The following ZNF407 variants were observed in gnomAD, a reference collection of about 807,000 sequenced individuals.
ZNF407 encodes the protein zinc finger protein 407.
In ZNF407, 17 loss-of-function variants were observed where a neutral mutation model predicts 131.2. That is an observed-to-expected ratio of 0.13 (90% CI 0.09 to 0.19). The LOEUF is 0.19. Among genes scored for constraint, ZNF407 ranks in the 10% least tolerant of loss-of-function variants. ZNF407 has a pLI of 1.00. For missense variants in ZNF407, 2,681 were observed against 2,830.6 expected (o/e 0.95, Z 1.20); for synonymous variants, 1,156 against 1,062.0 (o/e 1.09, Z -1.72).
chr18:75,002,949 C>G (rs1485329036), intron 8 of ZNF407, among the ~76,000 whole-genome samples: 2 of 152,180 alleles, frequency 1.3e-5, no homozygotes, highest in Non-Finnish European at 1.5e-5. Flanking sequence ...CTTCAGGCAG[C>G]TTGTTGGAAA....
chr18:74,657,447 AAAAG>A (rs1469384519), intron 3 of ZNF407, among the ~76,000 whole-genome samples: 6 of 150,844 alleles, frequency 4.0e-5, no homozygotes, highest in Non-Finnish European at 8.9e-5. Context: ...TGTAGGGAAA[AAAAG>A]AGAGAGTGAA....
intron 8 of ZNF407, among the ~76,000 whole-genome samples, chr18:75,027,579 A>T (rs887604441): frequency 8.5e-5 from 13 of 152,170 alleles, no homozygotes; most frequent in African/African-American, 2.7e-4. Context: ...GCATTGGTCA[A>T]TGAGGAAGGA....
chr18:74,635,807 C>T lies in ZNF407; in HGVS notation c.4687+101C>T, dbSNP rs1357509761. Reference sequence around the variant, plus strand: ...TGTGGCTGCTCATTGGCTTTCCACCCGGTTCACATTTCACTGCCGTGTGCT... The same window carrying T: ...TGTGGCTGCTCATTGGCTTTCCACCTGGTTCACATTTCACTGCCGTGTGCT... On this transcript the variant is annotated intron_variant, in intron 2 of 8. Transcript: ENST00000299687. This position sits in a 1 kb window ranked among gnomAD's most constrained non-coding sequence, Gnocchi z 4.7. 2.2e-5 allele frequency: 32 copies of T among 1,465,972 alleles called. No homozygotes were observed. The highest frequency in any genetic ancestry group is 4.7e-5 in the Admixed American group (2 of 42,980). The allele number at this position is 1,465,972 out of a possible 1,614,324, so 90.8% of individuals were successfully genotyped here.
Position 74,955,455 on chromosome 18 carries a change from G to C in ZNF407, c.5428+34763G>C, listed in dbSNP as rs371668267. Among the ~76,000 whole-genome samples, 5 of 152,304 alleles carry C rather than the reference G, an allele frequency of 3.3e-5. No individual in the cohort carries two copies. The South Asian group carries it at 1.0e-3, about 32-fold the overall frequency. ...AGGATGAGCCAGTAGCCAACAGGGA[G>C]ATGAATCAGGAAAATAGCTGATATA... On this transcript the variant is annotated intron_variant, in intron 8 of 8. Transcript: ENST00000299687.
intron 4 of ZNF407, among the ~76,000 whole-genome samples, chr18:74,833,891 C>T (rs1970519993): frequency 6.6e-6 from 1 of 152,024 alleles, no homozygotes; most frequent in African/African-American, 2.4e-5. Context: ...GAGGTAGGAT[C>T]TCATATTCCT....
At chr18:74,775,782 C>T (rs1322558406) in intron 3 of ZNF407, among the ~76,000 whole-genome samples, 1 of 152,194 alleles carries the variant, frequency 6.6e-6, no homozygotes, top group Non-Finnish European at 1.5e-5. Context: ...AGCTGCTTGG[C>T]TTCCAGGGAG....
intron 8 of ZNF407, among the ~76,000 whole-genome samples, chr18:74,975,756 T>A (rs1397627547): frequency 6.6e-6 from 1 of 152,190 alleles, no homozygotes; most frequent in African/African-American, 2.4e-5. Context: ...AAAGGGGGTC[T>A]TTGGGACATG....
intron 3 of ZNF407, among the ~76,000 whole-genome samples, chr18:74,755,306 C>A (rs957774291): frequency 6.6e-6 from 1 of 151,832 alleles, no homozygotes. Context: ...CCAGTTTGCC[C>A]GTCTGTGTCT....
chr18:75,012,575 C>A (rs1337686950), intron 8 of ZNF407, among the ~76,000 whole-genome samples: 2 of 152,198 alleles, frequency 1.3e-5, no homozygotes, highest in Non-Finnish European at 2.9e-5. Context: ...TATTGAAAAT[C>A]TGAATTAGAC....
At chr18:74,819,406 T>TA (rs1970310430) in intron 4 of ZNF407, among the ~76,000 whole-genome samples, 1 of 152,178 alleles carries the variant, frequency 6.6e-6, no homozygotes, top group Admixed American at 6.5e-5. Context: ...TAGGCCTTCC[T>TA]AATCCAAGGA....
chr18:75,036,385 T>C (rs1215417131), intron 8 of ZNF407, among the ~76,000 whole-genome samples: 1 of 152,176 alleles, frequency 6.6e-6, no homozygotes, highest in Non-Finnish European at 1.5e-5. Flanking sequence ...GGTGCCCTCA[T>C]TGGATGTCTC....
intron 3 of ZNF407, among the ~76,000 whole-genome samples, chr18:74,732,695 CTTTG>C (rs1968321174): frequency 2.6e-5 from 4 of 152,126 alleles, no homozygotes; most frequent in African/African-American, 7.2e-5. Context: ...AACATTTTGA[CTTTG>C]TTTAAAATGT....
chr18:74,854,881 C>G (rs1970837803), intron 4 of ZNF407, among the ~76,000 whole-genome samples: 1 of 152,072 alleles, frequency 6.6e-6, no homozygotes, highest in Non-Finnish European at 1.5e-5. Flanking sequence ...TGACCACTGT[C>G]CAGATTTCTG....
intron 3 of ZNF407, among the ~76,000 whole-genome samples, chr18:74,663,936 T>C (rs1230774965): frequency 6.6e-6 from 1 of 152,148 alleles, no homozygotes; most frequent in African/African-American, 2.4e-5. Context: ...ATGCCTGCAG[T>C]TCCACATAGC....
intron 8 of ZNF407, among the ~76,000 whole-genome samples, chr18:74,958,521 C>T (rs1373166151): frequency 1.3e-5 from 2 of 151,998 alleles, no homozygotes; most frequent in Admixed American, 1.3e-4. Flanking sequence ...CGTGCACACA[C>T]CTGAGCTGCA....
intron 8 of ZNF407, among the ~76,000 whole-genome samples, chr18:74,994,737 C>A (rs1436793714): frequency 1.3e-5 from 2 of 152,150 alleles, no homozygotes; most frequent in Non-Finnish European, 2.9e-5. Context: ...GGCAGCGGCA[C>A]TCAGGACCCA....
chr18:74,811,116 A>T (rs988264749), intron 4 of ZNF407, among the ~76,000 whole-genome samples: 5 of 152,170 alleles, frequency 3.3e-5, no homozygotes, highest in African/African-American at 1.2e-4. Flanking sequence ...AATTTTCGCA[A>T]CCTACTCATC....
intron 3 of ZNF407, among the ~76,000 whole-genome samples, chr18:74,769,521 C>T (rs1969316754): frequency 6.6e-6 from 1 of 152,064 alleles, no homozygotes; most frequent in Admixed American, 6.5e-5. Flanking sequence ...TTTTTGATTC[C>T]CCTGCTGGAG....
intron 3 of ZNF407, among the ~76,000 whole-genome samples, chr18:74,654,878 GTAAC>G: frequency 6.6e-6 from 1 of 151,718 alleles, no homozygotes; most frequent in East Asian, 1.9e-4. Flanking sequence ...ATTTTTTACA[GTAAC>G]TAAAAAAGAA....
Sources: allele counts gnomAD v4.1 joint callset (sites outside exome capture counted in the v4.1 genomes callset), GRCh38; gene constraint gnomAD v4.1.1; non-coding constraint Gnocchi (gnomAD v3.1); transcripts MANE v1.5; gene names NCBI Gene and HGNC (gene_info 2026-07-23, HGNC 2026-07-21).